Variants in PMFBP1 observed in about 807,000 individuals in gnomAD.
The protein encoded by PMFBP1 is polyamine-modulated factor 1-binding protein 1.
In PMFBP1, 131 loss-of-function variants were observed where a neutral mutation model predicts 137.8. The observed-to-expected ratio is 0.95, with a 90% CI of 0.82 to 1.10. The LOEUF (loss-of-function observed/expected upper bound fraction) is 1.10. Ranked by LOEUF, PMFBP1 falls within the 50% of genes least tolerant of loss-of-function variation. PMFBP1 has a pLI of 0.00. For synonymous variants in PMFBP1, 490 were observed against 450.4 expected, an observed-to-expected ratio of 1.09 and a Z score of -1.11; for missense variants, 1,199 against 1,175.4, an observed-to-expected ratio of 1.02 and a Z score of -0.29.
At chr16:72,179,954 G>A (rs1304088373), upstream of PMFBP1, among the ~76,000 whole-genome samples, 1 of 152,134 alleles carries the variant, frequency 6.6e-6, no homozygotes, top group African/African-American at 2.4e-5. Context: ...TCTCCTACTT[G>A]GTGTGTTCGA....
the PMFBP1 span, among the ~76,000 whole-genome samples, chr16:72,203,537 G>C: frequency 1.3e-5 from 2 of 152,228 alleles, no homozygotes; most frequent in South Asian, 2.1e-4. Context: ...GGAAGGGGAA[G>C]TGAGTCAGAG....
chr16:72,168,458 T>A (rs1226508510), intron 2 of PMFBP1, among the ~76,000 whole-genome samples: 1 of 152,254 alleles, frequency 6.6e-6, no homozygotes, highest in Admixed American at 6.5e-5. Flanking sequence ...ATCTACTTTA[T>A]GAAGGCTAAA....
At chr16:72,157,629 C>T (rs1279968940) in intron 3 of PMFBP1, among the ~76,000 whole-genome samples, 9 of 151,998 alleles carry the variant, frequency 5.9e-5, no homozygotes, top group Non-Finnish European at 8.8e-5. Flanking sequence ...TAGCCATTCT[C>T]GAGACTTTAA....
chr16:72,223,533 G>A, the PMFBP1 span, among the ~76,000 whole-genome samples: 1 of 152,088 alleles, frequency 6.6e-6, no homozygotes. Flanking sequence ...TCAGTGGCTG[G>A]GCTGTAAAAT....
At chr16:72,249,157 G>T in the PMFBP1 span, among the ~76,000 whole-genome samples, 5 of 152,022 alleles carry the variant, frequency 3.3e-5, no homozygotes, top group African/African-American at 1.2e-4. Context: ...TAGATATGTG[G>T]TTTACCTCTC....
intron 3 of PMFBP1, among the ~76,000 whole-genome samples, chr16:72,156,225 G>A (rs927791697): frequency 2.0e-5 from 3 of 152,096 alleles, no homozygotes; most frequent in African/African-American, 7.2e-5. Context: ...AAGCTCATGC[G>A]ATCTGCCCAC....
At chr16:72,135,996 C>T (rs960169756) in intron 9 of PMFBP1, among the ~76,000 whole-genome samples, 32 of 152,164 alleles carry the variant, frequency 2.1e-4, no homozygotes, top group Admixed American at 1.8e-3. Context: ...CTCAAGAGAT[C>T]TCCCCACCTT....
chr16:72,156,930 G>A (rs1319304083), intron 3 of PMFBP1, among the ~76,000 whole-genome samples: 3 of 151,974 alleles, frequency 2.0e-5, no homozygotes, highest in African/African-American at 7.3e-5. Context: ...GCTCACACCT[G>A]TAATCCCAGC....
the PMFBP1 span, among the ~76,000 whole-genome samples, chr16:72,228,894 G>C: frequency 1.3e-5 from 2 of 149,902 alleles, no homozygotes; most frequent in African/African-American, 2.5e-5. Context: ...TACATGTGCA[G>C]GATTGTTACA....
the PMFBP1 span, among the ~76,000 whole-genome samples, chr16:72,198,276 C>G: frequency 6.6e-6 from 1 of 152,162 alleles, no homozygotes; most frequent in Non-Finnish European, 1.5e-5. Context: ...TAACCTCAAT[C>G]GCTTCCAGCT....
the PMFBP1 span, among the ~76,000 whole-genome samples, chr16:72,216,830 T>G: frequency 6.6e-6 from 1 of 152,232 alleles, no homozygotes; most frequent in Non-Finnish European, 1.5e-5. Flanking sequence ...GTTCCTTTTC[T>G]GACAGGGAAT....
At chr16:72,175,729 C>T (rs2043256838), upstream of PMFBP1, among the ~76,000 whole-genome samples, 1 of 152,172 alleles carries the variant, frequency 6.6e-6, no homozygotes, top group Non-Finnish European at 1.5e-5. Context: ...CTTTCCTTTA[C>T]TTATGTTGGG....
the PMFBP1 span, among the ~76,000 whole-genome samples, chr16:72,244,893 T>C: frequency 5.3e-5 from 8 of 152,326 alleles, no homozygotes; most frequent in Admixed American, 3.3e-4. Flanking sequence ...CCTGAAACTC[T>C]GCCACTCCAA....
the PMFBP1 span, among the ~76,000 whole-genome samples, chr16:72,183,491 A>G: frequency 2.4e-4 from 36 of 152,070 alleles, no homozygotes; most frequent in African/African-American, 8.0e-4. Context: ...TCATCTTTAC[A>G]TGGTGTTCTC....
chr16:72,174,708 G>C, upstream of PMFBP1, among the ~76,000 whole-genome samples: 1 of 152,204 alleles, frequency 6.6e-6, no homozygotes, highest in East Asian at 1.9e-4. Flanking sequence ...TGGCAGGAGA[G>C]AGAATGAGTG....
upstream of PMFBP1, among the ~76,000 whole-genome samples, chr16:72,178,517 C>T (rs369876640): frequency 1.2e-4 from 18 of 152,216 alleles, no homozygotes; most frequent in African/African-American, 4.3e-4. Flanking sequence ...CATTTATTCG[C>T]TGGAACTCTT....
intron 13 of PMFBP1, 44 bp downstream of exon 13, chr16:72,129,022 G>A (rs546911336): frequency 6.9e-5 from 111 of 1,600,254 alleles, no homozygotes; most frequent in South Asian, 5.8e-4. Flanking sequence ...GTCATGTCCC[G>A]CTCTGGATTC....
intron 2 of PMFBP1, among the ~76,000 whole-genome samples, chr16:72,169,482 T>C (rs1333204202): frequency 6.6e-6 from 1 of 152,208 alleles, no homozygotes; most frequent in Admixed American, 6.5e-5. Flanking sequence ...GTTTTGCCTG[T>C]GAACAAAAAT....
At chr16:72,223,948 T>C in the PMFBP1 span, among the ~76,000 whole-genome samples, 1 of 152,194 alleles carries the variant, frequency 6.6e-6, no homozygotes, top group Non-Finnish European at 1.5e-5. Context: ...AAGGATAGCA[T>C]TGCAAATTCT....
Sources: gnomAD v4.1 joint callset for allele counts (sites outside exome capture counted in the v4.1 genomes callset) on GRCh38, gnomAD v4.1.1 for gene constraint, MANE v1.5 for transcripts, NCBI Gene and HGNC (gene_info 2026-07-23, HGNC 2026-07-21) for gene names.